Variants in MTCL1 observed in about 807,000 individuals in gnomAD.
MTCL1 encodes the protein microtubule cross-linking factor 1.
Under a neutral mutation model 141.4 loss-of-function variants are expected in MTCL1, and 79 were observed. That is an observed-to-expected ratio of 0.56 (90% CI 0.47 to 0.67). The LOEUF is 0.67. Among genes scored for constraint, MTCL1 ranks in the 30% least tolerant of loss-of-function variants. The pLI is 0.00. For synonymous variants in MTCL1, 914 were observed against 875.8 expected (o/e 1.04, Z -0.77); for missense variants, 2,177 against 2,113.9 (o/e 1.03, Z -0.59).
upstream of MTCL1, among the ~76,000 whole-genome samples, chr18:8,714,667 C>A (rs115240649): frequency 9.8e-3 from 1,485 of 152,268 alleles, 22 homozygotes; most frequent in African/African-American, 0.034. Flanking sequence ...AGGAGAAACC[C>A]GCCCCCGTGA....
At chr18:8,783,423 G>A in intron 5 of MTCL1, 107 bp from the exon 5 acceptor site, 1 of 1,047,254 alleles carries the variant, frequency 9.5e-7, no homozygotes, top group Non-Finnish European at 1.4e-6. Flanking sequence ...GAAGATCGGT[G>A]TTTGATGTTT....
At chr18:8,789,522 G>C (rs2075644259) in intron 7 of MTCL1, 13 of 985,398 alleles carry the variant, frequency 1.3e-5, no homozygotes, top group Non-Finnish European at 1.6e-5. Flanking sequence ...AGGGAAGTTA[G>C]CCTTTGTCAA....
intron 4 of MTCL1, among the ~76,000 whole-genome samples, chr18:8,731,554 G>C (rs937683586): frequency 6.6e-6 from 1 of 152,086 alleles, no homozygotes; most frequent in African/African-American, 2.4e-5. Flanking sequence ...AGCCTGGGGG[G>C]CAAGAGCGAG....
intron 4 of MTCL1, among the ~76,000 whole-genome samples, chr18:8,728,149 T>G (rs1322725911): frequency 6.6e-6 from 1 of 152,082 alleles, no homozygotes; most frequent in Non-Finnish European, 1.5e-5. Context: ...CTTTTTAAAA[T>G]GACCTTTTAA....
exon 15 of MTCL1, chr18:8,824,953 A>C (rs1302584693): frequency 6.2e-7 from 1 of 1,613,636 alleles, no homozygotes. Flanking sequence ...GACAGCACAG[A>C]GCCTTTCCCC....
chr18:8,788,279 C>T lies in MTCL1; in HGVS notation c.1887+2188C>T, dbSNP rs62086587. On this transcript the variant is annotated intron_variant, in intron 7 of 16. Coordinates refer to ENST00000359865, the Ensembl canonical transcript of MTCL1. ...TTCTACATTTCCCTTGAAATAACCACGGATTTTGCCCTCAGGCCAACCACG... is the reference window on the plus strand; with the variant it reads ...TTCTACATTTCCCTTGAAATAACCATGGATTTTGCCCTCAGGCCAACCACG... 5.7e-3 allele frequency among the ~76,000 whole-genome samples: 874 copies of T among 152,264 alleles called. 1 individual carries two copies. The highest frequency in any genetic ancestry group is 0.01 in the Middle Eastern group (3 of 294).
At chr18:8,749,795 A>G (rs1316714322) in intron 4 of MTCL1, among the ~76,000 whole-genome samples, 3 of 152,114 alleles carry the variant, frequency 2.0e-5, no homozygotes, top group Admixed American at 1.3e-4. Flanking sequence ...CTTGGCAACT[A>G]TGGGACTTCG....
At chr18:8,731,228 G>C (rs1001976274) in intron 4 of MTCL1, among the ~76,000 whole-genome samples, 10 of 151,252 alleles carry the variant, frequency 6.6e-5, no homozygotes, top group African/African-American at 2.2e-4. Context: ...CTGGGCGACA[G>C]AGCAAGACTC....
chr18:8,738,282 A>G (rs918707345), intron 4 of MTCL1, among the ~76,000 whole-genome samples: 1 of 152,220 alleles, frequency 6.6e-6, no homozygotes, highest in African/African-American at 2.4e-5. Context: ...GTTACTCTAT[A>G]TACTAATATT....
At chr18:8,827,481 G>A (rs1487522191) in intron 15 of MTCL1, among the ~76,000 whole-genome samples, 4 of 152,248 alleles carry the variant, frequency 2.6e-5, no homozygotes, top group African/African-American at 9.6e-5. Context: ...TGGCCTACAT[G>A]TTCCAAGATC....
chr18:8,783,430 G>A (rs1374959514), intron 5 of MTCL1, 100 bp from the exon 5 acceptor site: 2 of 1,102,502 alleles, frequency 1.8e-6, no homozygotes, highest in African/African-American at 3.2e-5. Flanking sequence ...GGTGTTTGAT[G>A]TTTGTGTGCA....
chr18:8,758,214 G>T (rs972518292), intron 4 of MTCL1, among the ~76,000 whole-genome samples: 10 of 151,804 alleles, frequency 6.6e-5, no homozygotes, highest in Admixed American at 6.6e-4. Flanking sequence ...GTAGAGACGG[G>T]GTTTCTCCAT....
chr18:8,803,641 G>A (rs1386407117), intron 10 of MTCL1, among the ~76,000 whole-genome samples: 1 of 152,130 alleles, frequency 6.6e-6, no homozygotes, highest in Non-Finnish European at 1.5e-5. Flanking sequence ...ATGATAACAG[G>A]TACCAATAGC....
At chr18:8,790,725 A>G (rs1568043900) in intron 7 of MTCL1, among the ~76,000 whole-genome samples, 3 of 152,192 alleles carry the variant, frequency 2.0e-5, no homozygotes, top group Non-Finnish European at 2.9e-5. Flanking sequence ...TAGATTTGAG[A>G]CCCAGAAGGC....
chr18:8,708,883 G>C (rs28560202), intron 1 of MTCL1, among the ~76,000 whole-genome samples: 1 of 152,038 alleles, frequency 6.6e-6, no homozygotes, highest in South Asian at 2.1e-4. Context: ...CTGTTCCTCC[G>C]ACAGCAGGGG....
intron 7 of MTCL1, among the ~76,000 whole-genome samples, chr18:8,788,664 A>C (rs146917636): frequency 2.6e-5 from 4 of 152,310 alleles, no homozygotes; most frequent in Admixed American, 1.3e-4. Context: ...GCAGATTGCA[A>C]ATCTGGGCAG....
chr18:8,787,301 C>A (rs4797330), intron 7 of MTCL1: 32,740 of 152,356 alleles, frequency 0.21, 3,878 homozygotes, highest in Admixed American at 0.32. Context: ...CAATGCAGCT[C>A]AGAAGGGAAC....
chr18:8,830,554 G>A lies in MTCL1; in HGVS notation c.*19-1053G>A. 1.0e-6 allele frequency: 1 copy of A among 986,232 alleles called. No homozygotes were observed. The highest frequency in any genetic ancestry group is 1.2e-6 in the Non-Finnish European group (1 of 830,574). The allele number at this position is 986,232 out of a possible 1,614,324, so 61.1% of individuals were successfully genotyped here. A position where few individuals can be genotyped will look rare whatever the true frequency, so the allele number is the denominator to read the frequency against. On this transcript the variant is annotated intron_variant, in intron 16 of 16. Transcript: ENST00000359865. This position sits in a 1 kb window ranked among gnomAD's most constrained non-coding sequence, Gnocchi z 6.4. ...CTGCTGCTCCCCTGCACCACTGGCT[G>A]GGCTGTCCTCATCCTGGTCTTTTCA...
rs1344197847 is a variant in MTCL1 at position 8,828,879 on chromosome 18, T to G, written c.4723-29T>G. 6 of 1,600,574 alleles carry G rather than the reference T, an allele frequency of 3.7e-6. No homozygotes were observed. Among genetic ancestry groups the G allele is most frequent in the African/African-American group, 3.2e-5 (2 of 63,154 alleles). On this transcript the variant is annotated intron_variant, in intron 15 of 16. Coordinates refer to ENST00000359865, the Ensembl canonical transcript of MTCL1. The surrounding 1 kb of genome is among the most constrained non-coding windows in gnomAD (Gnocchi z 5.2). ...AAACACTTTCCAACCTTCTTGCTTT[T>G]CTTTTCTTTCTCTGTCTGTTCTGTC...
Sources: allele counts gnomAD v4.1 joint callset (sites outside exome capture counted in the v4.1 genomes callset), GRCh38; gene constraint gnomAD v4.1.1; non-coding constraint Gnocchi (gnomAD v3.1); transcripts MANE v1.5; gene names NCBI Gene and HGNC (gene_info 2026-07-23, HGNC 2026-07-21).